The following LMBRD1 variants were observed in gnomAD, a reference collection of about 807,000 sequenced individuals.
LMBRD1 encodes lysosomal cobalamin transport escort protein LMBD1.
A neutral mutation model predicts 74.8 loss-of-function variants in LMBRD1; 64 were observed. The ratio of observed to expected loss-of-function variants is 0.86; its 90% CI spans 0.70 to 1.05. The LOEUF (loss-of-function observed/expected upper bound fraction) is 1.05. LMBRD1 is among the 50% of genes least tolerant of loss of function. The probability of loss-of-function intolerance (pLI) is 0.00; values close to 1 mark genes in which losing one functional copy is unlikely to be tolerated. For synonymous variants in LMBRD1, 204 were observed against 216.3 expected (o/e 0.94, Z 0.50); for missense variants, 652 against 645.9 (o/e 1.01, Z -0.10).
chr6:69,790,322 T>C lies in LMBRD1; in HGVS notation c.220A>G (p.Met74Val). ...LPVDIFLVSYMKNQNGTFKDW... is the reference protein window; with the variant it reads ...LPVDIFLVSYVKNQNGTFKDW... ...TTAAATGTACCATTTTGATTTTTCA[T>C]GTAAGAAACCAAAAATATATCCACT... Residue 74 changes from methionine to valine, a missense_variant, in exon 2 of 16, where the codon ATG (methionine) becomes GTG (valine). Met to Val is a conservative substitution (Grantham distance 21). Coordinates refer to ENST00000649934, the MANE Select transcript of LMBRD1 (RefSeq NM_018368.4). The C allele has an allele frequency of 1.9e-6, 3 of 1,612,636 alleles. No homozygotes were observed. The highest frequency in any genetic ancestry group is 2.2e-5 in the East Asian group (1 of 44,826).
chr6:69,727,325 C>T (rs1358280111), intron 7 of LMBRD1, among the ~76,000 whole-genome samples: 2 of 152,160 alleles, frequency 1.3e-5, no homozygotes, highest in Non-Finnish European at 2.9e-5. Context: ...ACAGCTACTA[C>T]GTACCCACGA....
chr6:69,758,513 C>A (rs1765313067), intron 3 of LMBRD1, among the ~76,000 whole-genome samples: 2 of 152,042 alleles, frequency 1.3e-5, no homozygotes, highest in Non-Finnish European at 2.9e-5. Flanking sequence ...AACTCTAGCA[C>A]CATTTTAAAA....
chr6:69,749,190 T>A, intron 5 of LMBRD1, 151 bp downstream of exon 5: 1 of 651,310 alleles, frequency 1.5e-6, no homozygotes, highest in Non-Finnish European at 2.7e-6. Flanking sequence ...TGTTAAATTG[T>A]GGCTATTGTT....
chr6:69,737,955 G>A lies in LMBRD1; in HGVS notation c.623C>T (p.Ala208Val), dbSNP rs1489024071. Residue 208 changes from alanine (A) to valine (V), a missense_variant, in exon 7 of 16, where the codon GCT (alanine) becomes GTT (valine). Ala to Val is a moderately conservative substitution (Grantham distance 64). Transcript: ENST00000649934. ...CATTTCACTTACTGTGTAAGTTATA[G>A]CTGCCAACATTCCAATCAAGGTCAG... is the stretch of plus-strand genomic sequence containing the variant. Reference protein sequence around the residue: ...SSLTLIGMLAAITYTAYGMSA... With the variant: ...SSLTLIGMLAVITYTAYGMSA... 3 of 1,609,958 alleles carry A rather than the reference G, an allele frequency of 1.9e-6. No individual in the cohort carries two copies. The highest frequency in any genetic ancestry group is 3.3e-5 in the Admixed American group (2 of 59,864).
Position 69,749,414 on chromosome 6 carries a change from T to C in LMBRD1, c.406-6A>G. The C allele has an allele frequency of 6.2e-7, 1 of 1,610,530 alleles. No homozygotes were observed. Among genetic ancestry groups the C allele is most frequent in the Non-Finnish European group, 8.5e-7 (1 of 1,177,088 alleles). ...TTGAGTGCCGTTTTAATTTGCTAGA[T>C]GCCAAGGAGAAAAAAGTATAACATT... is the stretch of plus-strand genomic sequence containing the variant. On this transcript the variant is annotated splice_polypyrimidine_tract_variant and splice_region_variant and intron_variant, in intron 4 of 15. Transcript: ENST00000649934.
In LMBRD1 at chr6:69,738,020, GAAGA is replaced by G. The variant is rs1402380193; in HGVS notation, c.563-9_563-6del. 3 of 1,602,504 alleles carry G rather than the reference GAAGA, an allele frequency of 1.9e-6. No individual in the cohort carries two copies. In the African/African-American group the frequency reaches 4.0e-5, roughly 22 times the overall value. On this transcript the variant is annotated splice_polypyrimidine_tract_variant and splice_region_variant and intron_variant, in intron 6 of 15. Coordinates refer to ENST00000649934, the MANE Select transcript of LMBRD1 (RefSeq NM_018368.4). ...ATGACAATGCAGCTAAACCATCTGT[GAAGA>G]AAGAAAAACTGTTAAAAATGTACAT...
intron 3 of LMBRD1, among the ~76,000 whole-genome samples, chr6:69,755,175 T>C (rs4365888): frequency 0.36 from 54,826 of 152,016 alleles, 10,478 homozygotes; most frequent in East Asian, 0.54. Context: ...GACTTGGAAC[T>C]AACCCAAATG....
intron 14 of LMBRD1, among the ~76,000 whole-genome samples, chr6:69,680,292 C>A (rs188638565): frequency 9.4e-4 from 143 of 152,260 alleles, no homozygotes; most frequent in African/African-American, 3.4e-3. Flanking sequence ...AAAAACTCAA[C>A]TTTCTCAATA....
intron 3 of LMBRD1, 98 bp downstream of exon 3, chr6:69,780,396 C>T (rs369429681): frequency 4.0e-5 from 35 of 883,234 alleles, no homozygotes; most frequent in Non-Finnish European, 5.2e-5. Context: ...TTTTCTAATT[C>T]GACCCAAGAG....
chr6:69,761,315 T>C (rs189724732), intron 3 of LMBRD1, among the ~76,000 whole-genome samples: 2 of 152,222 alleles, frequency 1.3e-5, no homozygotes, highest in East Asian at 3.9e-4. Context: ...AATGCCATTT[T>C]TTTAACAAAA....
chr6:69,782,828 A>G (rs974991032), intron 2 of LMBRD1, among the ~76,000 whole-genome samples: 1 of 152,216 alleles, frequency 6.6e-6, no homozygotes, highest in Non-Finnish European at 1.5e-5. Flanking sequence ...GTCAGGGTAA[A>G]TTAGACCCTG....
chr6:69,743,545 C>A (rs1767153175), intron 5 of LMBRD1, among the ~76,000 whole-genome samples: 1 of 152,142 alleles, frequency 6.6e-6, no homozygotes, highest in African/African-American at 2.4e-5. Flanking sequence ...GTGACCCACA[C>A]TACTATCAGA....
chr6:69,775,746 C>T (rs1765684530), intron 3 of LMBRD1, among the ~76,000 whole-genome samples: 1 of 152,180 alleles, frequency 6.6e-6, no homozygotes, highest in Admixed American at 6.5e-5. Flanking sequence ...CTCACAACAT[C>T]TCAATTTTGT....
At chr6:69,772,094 T>C (rs1765588882) in intron 3 of LMBRD1, among the ~76,000 whole-genome samples, 1 of 152,208 alleles carries the variant, frequency 6.6e-6, no homozygotes, top group Non-Finnish European at 1.5e-5. Flanking sequence ...TTAGAAATGT[T>C]AAATTTGAGA....
At chr6:69,741,923 G>C (rs1562107985) in intron 5 of LMBRD1, 46 bp from the exon 6 acceptor site, 1 of 1,101,410 alleles carries the variant, frequency 9.1e-7, no homozygotes, top group Non-Finnish European at 1.4e-6. Context: ...AAGATAAAAA[G>C]TTAAATTAAA....
At chr6:69,729,897 A>G (rs1200514623) in intron 7 of LMBRD1, among the ~76,000 whole-genome samples, 1 of 152,008 alleles carries the variant, frequency 6.6e-6, no homozygotes, top group Non-Finnish European at 1.5e-5. Context: ...CTTATATAAA[A>G]CATTATAACT....
rs936817274 is a variant in LMBRD1 at position 69,719,096 on chromosome 6, A to G, written c.637-15T>C. 1.4e-5 allele frequency: 22 copies of G among 1,608,678 alleles called. No homozygotes were observed. Among genetic ancestry groups the G allele is most frequent in the Admixed American group, 1.7e-5 (1 of 59,862 alleles). On this transcript the variant is annotated splice_polypyrimidine_tract_variant and intron_variant, in intron 7 of 15. Transcript: ENST00000649934. ...ATGCCATAGGCCTAAAAGAAAAACA[A>G]TTGAAATGTTTTAGAAATAATGTTT... is the stretch of plus-strand genomic sequence containing the variant.
intron 9 of LMBRD1, among the ~76,000 whole-genome samples, chr6:69,703,680 G>A (rs1181497414): frequency 6.6e-6 from 1 of 151,794 alleles, no homozygotes; most frequent in East Asian, 1.9e-4. Flanking sequence ...GACCACATTG[G>A]GTTGACCTAA....
intron 13 of LMBRD1, 33 bp downstream of exon 13, chr6:69,699,010 T>C (rs1428735993): frequency 3.6e-6 from 5 of 1,403,500 alleles, no homozygotes; most frequent in East Asian, 2.3e-5. Context: ...CTTTAAAATA[T>C]CAAAATAATC....
Sources: allele counts gnomAD v4.1 joint callset (sites outside exome capture counted in the v4.1 genomes callset), GRCh38; gene constraint gnomAD v4.1.1; transcripts MANE v1.5; gene names NCBI Gene and HGNC (gene_info 2026-07-23, HGNC 2026-07-21).